Variants in COL16A1 observed in about 807,000 individuals in gnomAD.
COL16A1 encodes the protein collagen type XVI alpha 1 chain, also known as collagen alpha-1(XVI) chain.
Under a neutral mutation model 266.3 loss-of-function variants are expected in COL16A1, and 189 were observed. The observed-to-expected ratio is 0.71, with a 90% CI of 0.63 to 0.80. COL16A1 has a LOEUF of 0.80. Among genes scored for constraint, COL16A1 ranks in the 30% least tolerant of loss-of-function variants. The pLI is 0.00. For missense variants in COL16A1, 1,928 were observed against 2,122.4 expected, an observed-to-expected ratio of 0.91 and a Z score of 1.80; for synonymous variants, 740 against 782.3, an observed-to-expected ratio of 0.95 and a Z score of 0.90.
intron 23 of COL16A1, 181 bp from the exon 24 acceptor site, chr1:31,689,266 C>A: frequency 1.0e-6 from 1 of 1,000,508 alleles, no homozygotes. Flanking sequence ...CAAGCAGGAG[C>A]GTGGCGGGGG....
chr1:31,678,023 A>T (rs753866379), intron 42 of COL16A1, among the ~76,000 whole-genome samples: 5 of 152,126 alleles, frequency 3.3e-5, no homozygotes, highest in Non-Finnish European at 7.4e-5. Context: ...AAGCCCCAAA[A>T]GCCCCAGACA....
intron 16 of COL16A1, 109 bp downstream of exon 16, chr1:31,692,365 C>G (rs927141550): frequency 2.7e-6 from 4 of 1,479,140 alleles, no homozygotes; most frequent in Admixed American, 2.2e-5. Flanking sequence ...CCTGCCAGCT[C>G]TGTGCCCACT....
chr1:31,669,119 G>A (rs757820334), intron 49 of COL16A1, among the ~76,000 whole-genome samples: 3 of 152,064 alleles, frequency 2.0e-5, no homozygotes, highest in Non-Finnish European at 4.4e-5. Context: ...TCCAGCAGAG[G>A]TGACTCTGGG....
chr1:31,680,729 G>T (rs1486980031), intron 39 of COL16A1, among the ~76,000 whole-genome samples, 176 bp downstream of exon 39: 2 of 152,170 alleles, frequency 1.3e-5, no homozygotes, highest in Non-Finnish European at 2.9e-5. Context: ...AGGAGCCCAG[G>T]ATGCCTCCTC....
At chr1:31,679,524 CT>C in intron 42 of COL16A1, 107 bp downstream of exon 42, 1 of 1,613,956 alleles carries the variant, frequency 6.2e-7, no homozygotes, top group Non-Finnish European at 8.5e-7. Context: ...AATGGCATGT[CT>C]GTGTTTTTGG....
chr1:31,698,277 G>A lies in COL16A1; in HGVS notation c.391-105C>T. 1.3e-6 allele frequency: 2 copies of A among 1,547,790 alleles called. No individual in the cohort carries two copies. The highest frequency in any genetic ancestry group is 1.7e-6 in the Non-Finnish European group (2 of 1,150,422). On this transcript the variant is annotated intron_variant, in intron 5 of 70. Transcript: ENST00000373672. This position sits in a 1 kb window ranked among gnomAD's most constrained non-coding sequence, Gnocchi z 4.1. ...CTCATTTCACAGGAGGGGAACTGAG[G>A]CCCAGAAAGAGAAGAAAGCCGGCTG...
chr1:31,687,722 C>G (rs1644061517), intron 26 of COL16A1, among the ~76,000 whole-genome samples: 1 of 151,026 alleles, frequency 6.6e-6, no homozygotes, highest in Non-Finnish European at 1.5e-5. Context: ...GATGGGGAAG[C>G]TGGGAAGAGG....
chr1:31,695,969 T>A, intron 9 of COL16A1, 119 bp downstream of exon 9: 1 of 1,064,534 alleles, frequency 9.4e-7, no homozygotes. Flanking sequence ...CTAAGCTCTG[T>A]CCAGGAGGTG....
chr1:31,658,818 A>G, intron 63 of COL16A1, 96 bp downstream of exon 63: 1 of 1,421,602 alleles, frequency 7.0e-7, no homozygotes, highest in East Asian at 2.5e-5. Flanking sequence ...GATGAGACAA[A>G]CTGTTCTCCA....
At chr1:31,671,956 G>A (rs534048506) in intron 47 of COL16A1, among the ~76,000 whole-genome samples, 8 of 152,310 alleles carry the variant, frequency 5.3e-5, no homozygotes, top group East Asian at 1.9e-4. Flanking sequence ...GGGGAGAGAC[G>A]GACACTAACA....
In COL16A1 at chr1:31,657,333, G is replaced by A; in HGVS notation, c.4021-265C>T. ...AAGAACAGACCGTGCCTGCCTTGCT[G>A]TGTGCTTGGATCCTGGCACCTTGCA... On this transcript the variant is annotated intron_variant, in intron 64 of 70. Coordinates refer to ENST00000373672, the MANE Select transcript of COL16A1 (RefSeq NM_001856.4). The surrounding 1 kb of genome is among the most constrained non-coding windows in gnomAD (Gnocchi z 6.4). The A allele has an allele frequency of 1.8e-6, 1 of 548,536 alleles. No individual in the cohort carries two copies. Among genetic ancestry groups the A allele is most frequent in the East Asian group, 2.9e-5 (1 of 34,460 alleles). 34.0% of individuals were successfully genotyped at this position (548,536 alleles called of 1,614,324 possible). A position where few individuals can be genotyped will look rare whatever the true frequency, so the allele number is the denominator to read the frequency against.
intron 52 of COL16A1, chr1:31,666,371 C>A (rs1406408149): frequency 2.3e-6 from 1 of 431,436 alleles, no homozygotes; most frequent in Non-Finnish European, 4.1e-6. Context: ...TGCTCAAACA[C>A]CTTATGCGGC....
intron 1 of COL16A1, 51 bp from the exon 2 acceptor site, chr1:31,702,278 A>G (rs1437179560): frequency 1.3e-6 from 2 of 1,586,140 alleles, no homozygotes; most frequent in Non-Finnish European, 1.7e-6. Flanking sequence ...ACACAGCACA[A>G]CTCCACACGT....
intron 33 of COL16A1, 67 bp downstream of exon 33, chr1:31,683,883 A>G: frequency 1.2e-6 from 2 of 1,610,118 alleles, no homozygotes; most frequent in South Asian, 1.1e-5. Flanking sequence ...CACTGCCCCC[A>G]TGGATCTCCC....
chr1:31,658,510 G>A lies in COL16A1; in HGVS notation c.3998C>T (p.Pro1333Leu). The A allele has an allele frequency of 6.2e-7, 1 of 1,604,360 alleles. No homozygotes were observed. ...TACTGGGGGGCCAGGGTGTCCAGGG[G>A]GGCCGGGCTGGCCTGGGAGGCCTGC... is the stretch of plus-strand genomic sequence containing the variant. Reference protein sequence around the residue: ...GLAGLPGQPGPPGHPGPPGEP... With the variant: ...GLAGLPGQPGLPGHPGPPGEP... Residue 1333 changes from proline to leucine, a missense_variant, in exon 64 of 71, where the codon CCC becomes CTC. By Grantham distance (98) the Pro-to-Leu change is moderately conservative. Around this residue, in one of 2 missense-constraint regions of COL16A1, gnomAD observed 376 missense variants for 485.2 expected, o/e 0.77. Transcript: ENST00000373672.
intron 42 of COL16A1, among the ~76,000 whole-genome samples, chr1:31,676,467 A>G (rs1368793434): frequency 3.3e-5 from 5 of 152,194 alleles, no homozygotes; most frequent in Non-Finnish European, 7.4e-5. Flanking sequence ...TCATTCCTCA[A>G]CAGACATCCC....
At chr1:31,682,302 G>A (rs1056311798) in intron 37 of COL16A1, among the ~76,000 whole-genome samples, 1 of 152,176 alleles carries the variant, frequency 6.6e-6, no homozygotes, top group African/African-American at 2.4e-5. Context: ...CAAAGGGAAG[G>A]TCTTTCCAAT....
At chr1:31,681,280 C>G (rs1643624171) in intron 37 of COL16A1, among the ~76,000 whole-genome samples, 1 of 152,240 alleles carries the variant, frequency 6.6e-6, no homozygotes, top group Non-Finnish European at 1.5e-5. Context: ...AGCCACTGGG[C>G]CAAGTACCCG....
chr1:31,681,116 GCC>G, intron 37 of COL16A1, 49 bp from the exon 38 acceptor site: 1 of 1,565,916 alleles, frequency 6.4e-7, no homozygotes, highest in South Asian at 1.2e-5. Flanking sequence ...GCAGCGGCCA[GCC>G]ATCTGGCCTG....
Sources: gnomAD v4.1 joint callset for allele counts (sites outside exome capture counted in the v4.1 genomes callset) on GRCh38, gnomAD v4.1.1 for gene constraint, gnomAD v4.1.1 regional missense constraint, Gnocchi (gnomAD v3.1) non-coding constraint, MANE v1.5 for transcripts, NCBI Gene and HGNC (gene_info 2026-07-23, HGNC 2026-07-21) for gene names.